The following MST1 variants were observed in gnomAD, a reference collection of about 807,000 sequenced individuals.
MST1 encodes the protein hepatocyte growth factor-like protein.
MST1 carries 76 observed loss-of-function variants against 100.1 expected under a neutral mutation model. The observed-to-expected ratio is 0.76, with a 90% CI of 0.63 to 0.92. MST1 has a LOEUF of 0.92. Ranked by LOEUF, MST1 falls within the 40% of genes least tolerant of loss-of-function variation. The probability of loss-of-function intolerance (pLI) is 0.00; values close to 1 mark genes in which losing one functional copy is unlikely to be tolerated. For synonymous variants in MST1, 352 were observed against 385.4 expected (o/e 0.91, Z 1.01); for missense variants, 850 against 990.0 (o/e 0.86, Z 1.90).
intron 11 of MST1, 42 bp downstream of exon 11, chr3:49,685,554 G>A: frequency 5.0e-6 from 8 of 1,613,338 alleles, no homozygotes; most frequent in Non-Finnish European, 6.8e-6. Flanking sequence ...CTTTGGGTGG[G>A]GGCTGAGGCA....
intron 1 of MST1, 92 bp downstream of exon 1, chr3:49,688,506 C>G: frequency 7.3e-7 from 1 of 1,362,128 alleles, no homozygotes; most frequent in Non-Finnish European, 1.0e-6. Context: ...CACTGAGCCT[C>G]TGGCTCCCCG....
rs2053796849 is a variant in MST1, at chr3:49,686,796, G to A, written c.735C>T (p.Leu245=). Residue 245 remains leucine, a synonymous_variant, in exon 7 of 18, where the codon CTC becomes CTT. Coordinates refer to ENST00000449682, the MANE Select transcript of MST1 (RefSeq NM_020998.4). ...AATAGTTGTCGTCCAGACCTTGGTC[G>A]AGGAACCTGGGGGCGGTAATGGGGC... ...HQHPFEPGKF[L]DQGLDDNYCR... 1.2e-6 allele frequency: 2 copies of A among 1,612,354 alleles called. No individual in the cohort carries two copies. Among genetic ancestry groups the A allele is most frequent in the Non-Finnish European group, 1.7e-6 (2 of 1,179,770 alleles).
In MST1 at chr3:49,685,282, C is replaced by G; in HGVS notation, c.1524G>C (p.Trp508Cys). The G allele has an allele frequency of 6.2e-7, 1 of 1,613,394 alleles. No individual in the cohort carries two copies. Residue 508 changes from tryptophan (W) to cysteine (C), a missense_variant, in exon 13 of 18, where the codon TGG becomes TGC. Transcript: ENST00000449682. ...VVGGHPGNSP[W>C]TVSLRNRQGQ... is the part of the protein sequence containing the mutation. ...CTCACCGATTCCGCAAGCTGACTGTCCAGGGTGAGTTGCCCGGATGGCCCC... is the reference window on the plus strand; with the variant it reads ...CTCACCGATTCCGCAAGCTGACTGTGCAGGGTGAGTTGCCCGGATGGCCCC...
At position 49,686,557 on chromosome 3, in the gene MST1, C is replaced by T; in HGVS notation, c.848-76G>A. 7.6e-6 allele frequency: 12 copies of T among 1,580,982 alleles called. No individual in the cohort carries two copies. In the South Asian group the frequency reaches 1.0e-4, roughly 14 times the overall value. ...TGGGGCTGGGACCAAACCCGCCTTTCCCAGGTGTACGGTACTCCACGGGGT... is the reference window on the plus strand; with the variant it reads ...TGGGGCTGGGACCAAACCCGCCTTTTCCAGGTGTACGGTACTCCACGGGGT... On this transcript the variant is annotated intron_variant, in intron 7 of 17. Transcript: ENST00000449682.
chr3:49,689,211 A>G lies in MST1; in HGVS notation c.-520T>C, dbSNP rs2054044409. 6.5e-6 allele frequency: 1 copy of G among 153,262 alleles called. No homozygotes were observed. The highest frequency in any genetic ancestry group is 1.5e-5 in the Non-Finnish European group (1 of 68,768). 9.5% of individuals were successfully genotyped at this position (153,262 alleles called of 1,614,324 possible). ...GTGAGCGAGGCTGTCCACTAGGACT[A>G]AATAGGGGTGGAGGTAACAGGTAGC... is the stretch of plus-strand genomic sequence containing the variant. On this transcript the variant is annotated 5_prime_UTR_variant, in exon 1 of 18. Transcript: ENST00000449682.
Position 49,685,751 on chromosome 3 carries a change from A to G in MST1, c.1251-19T>C, listed in dbSNP as rs397843268. The G allele has an allele frequency of 6.2e-7, 1 of 1,613,052 alleles. No homozygotes were observed. Among genetic ancestry groups the G allele is most frequent in the Non-Finnish European group, 8.5e-7 (1 of 1,179,800 alleles). ...CGTGAACCTAGGCGGAAGCGGGAGC[A>G]AAATCGTGGCAGGGTAGTCTCAACC... On this transcript the variant is annotated intron_variant, in intron 10 of 17. Coordinates refer to ENST00000449682, the MANE Select transcript of MST1 (RefSeq NM_020998.4).
In MST1 at chr3:49,687,041, C is replaced by T; in HGVS notation, c.634G>A (p.Glu212Lys). The T allele has an allele frequency of 1.2e-6, 2 of 1,611,952 alleles. No individual in the cohort carries two copies. The highest frequency in any genetic ancestry group is 2.2e-5 in the East Asian group (1 of 44,884). Residue 212 changes from glutamate to lysine, a missense_variant, in exon 6 of 18, where the codon GAA becomes AAA. Glu to Lys is a moderately conservative substitution (Grantham distance 56). Transcript: ENST00000449682. ...EAACVWCNGE[E>K]YRGAVDRTES... Reference sequence around the variant, plus strand: ...GTGCGGTCTACCGCGCCGCGGTATTCCTCGCCATTGCACCAGACACACGCG... The same window carrying T: ...GTGCGGTCTACCGCGCCGCGGTATTTCTCGCCATTGCACCAGACACACGCG...
Position 49,687,015 on chromosome 3 carries a change from C to A in MST1, c.660G>T (p.Thr220=). 1 of 1,611,504 alleles carries A rather than the reference C, an allele frequency of 6.2e-7. No individual in the cohort carries two copies. The highest frequency in any genetic ancestry group is 8.5e-7 in the Non-Finnish European group (1 of 1,179,832). Residue 220 remains threonine (T), a synonymous_variant, in exon 6 of 18, where the codon ACG becomes ACT. Coordinates refer to ENST00000449682, the MANE Select transcript of MST1 (RefSeq NM_020998.4). Reference sequence around the variant, plus strand: ...AGCGCTGGCACTCGCGCCCTGACTCCGTGCGGTCTACCGCGCCGCGGTATT... The same window carrying A: ...AGCGCTGGCACTCGCGCCCTGACTCAGTGCGGTCTACCGCGCCGCGGTATT... ...GEEYRGAVDR[T]ESGRECQRWD...
At chr3:49,684,517 G>A (rs756561133) in intron 16 of MST1, 33 bp downstream of exon 16, 1 of 1,613,604 alleles carries the variant, frequency 6.2e-7, no homozygotes, top group Non-Finnish European at 8.5e-7. Flanking sequence ...TGGGCCTCCT[G>A]GCCACCAGCA....
intron 10 of MST1, 25 bp from the exon 11 acceptor site, chr3:49,685,757 G>T (rs1268449380): frequency 6.2e-7 from 1 of 1,613,024 alleles, no homozygotes; most frequent in Admixed American, 1.7e-5. Flanking sequence ...GAGCAAAATC[G>T]TGGCAGGGTA....
chr3:49,687,708 C>T, intron 2 of MST1, 40 bp from the exon 3 acceptor site: 7 of 1,613,478 alleles, frequency 4.3e-6, no homozygotes, highest in Non-Finnish European at 5.1e-6. Flanking sequence ...ACAGCCCAGG[C>T]TTCCCTGCCC....
Position 49,685,678 on chromosome 3 carries a change from G to A in MST1, c.1305C>T (p.Asn435=). The A allele has an allele frequency of 1.2e-6, 2 of 1,613,454 alleles. No homozygotes were observed. Among genetic ancestry groups the A allele is most frequent in the African/African-American group, 1.3e-5 (1 of 75,054 alleles). ...HAQLEENFCR[N]PDGDSHGPWC... is the part of the protein sequence containing the mutation. ...AGGGCCCATGGCTATCCCCATCTGG[G>A]TTCCGGCAGAAGTTCTCCTCCAGTT... Residue 435 remains asparagine, a synonymous_variant, in exon 11 of 18, where the codon AAC becomes AAT. Transcript: ENST00000449682.
Position 49,686,960 on chromosome 3 carries a change from A to C in MST1, c.715T>G (p.Phe239Val), listed in dbSNP as rs572621890. Reference protein sequence around the residue: ...WDLQHPHQHPFEPGKFLDQGL... With the variant: ...WDLQHPHQHPVEPGKFLDQGL... The stretch of plus-strand genomic sequence containing the variant: ...GCCTACGCGTACTTGCCCGGCTCGA[A>C]GGGGTGCTGGTGCGGGTGCTGAAGA... The change falls in exon 6 of 18, where the codon TTC (phenylalanine) becomes GTC (valine). Residue 239 changes from phenylalanine (F) to valine (V), a missense_variant. Physicochemically the swap from Phe to Val is conservative, Grantham distance 50. This residue lies in a region of MST1 where 816 missense variants were observed against 924.6 expected (regional missense o/e 0.88). Transcript: ENST00000449682. 6.8e-6 allele frequency: 11 copies of C among 1,611,300 alleles called. No individual in the cohort carries two copies. The highest frequency in any genetic ancestry group is 8.5e-6 in the Non-Finnish European group (10 of 1,179,720).
In MST1 at chr3:49,686,045, C is replaced by T. The variant is rs1264887438; in HGVS notation, c.1147+17G>A. On this transcript the variant is annotated intron_variant, in intron 9 of 17. Coordinates refer to ENST00000449682, the MANE Select transcript of MST1 (RefSeq NM_020998.4). ...GGCTTCCAGCCCGGCTCTGTAGCCC[C>T]CAAGCTTGGGCCTCACCCTGGGGCC... 3 of 1,608,094 alleles carry T rather than the reference C, an allele frequency of 1.9e-6. No homozygotes were observed. The highest frequency in any genetic ancestry group is 2.2e-5 in the East Asian group (1 of 44,740).
In MST1 at chr3:49,687,450, A is replaced by G; in HGVS notation, c.384T>C (p.Asn128=). Residue 128 remains asparagine, a synonymous_variant, in exon 4 of 18, where the codon AAT becomes AAC. Transcript: ENST00000449682. The part of the protein sequence containing the change: ...KDYVRTCIMN[N]GVGYRGTMAT... ...CCATGGTGCCCCGGTACCCAACCCC[A>G]TTGTTCATGATGCAGGTCCGTACGT... is the stretch of plus-strand genomic sequence containing the variant. The G allele has an allele frequency of 8.1e-6, 13 of 1,613,372 alleles. No individual in the cohort carries two copies. The highest frequency in any genetic ancestry group is 1.1e-5 in the Non-Finnish European group (13 of 1,179,866).
rs775044117 is a variant in MST1 at position 49,686,096 on chromosome 3, C to T, written c.1113G>A (p.Gln371=). 2.5e-6 allele frequency: 4 copies of T among 1,610,972 alleles called. No individual in the cohort carries two copies. Among genetic ancestry groups the T allele is most frequent in the African/African-American group, 1.3e-5 (1 of 74,972 alleles). ...RPGMRAAFCY[Q]IRRCTDDVRP... Reference sequence around the variant, plus strand: ...GCACGTCGTCTGTACAACGCCGGATCTGGTAGCAAAAGGCCGCGCGCATGC... The same window carrying T: ...GCACGTCGTCTGTACAACGCCGGATTTGGTAGCAAAAGGCCGCGCGCATGC... Residue 371 remains glutamine (Q), a synonymous_variant, in exon 9 of 18, where the codon CAG becomes CAA. Coordinates refer to ENST00000449682, the MANE Select transcript of MST1 (RefSeq NM_020998.4).
intron 1 of MST1, 126 bp from the exon 2 acceptor site, chr3:49,688,023 G>A (rs1460066600): frequency 1.9e-5 from 26 of 1,363,166 alleles, no homozygotes; most frequent in Non-Finnish European, 2.5e-5. Context: ...GACCCTGTAT[G>A]CACTTTCAAG....
At position 49,684,797 on chromosome 3, in the gene MST1, T is replaced by G. The variant is rs1252635715; in HGVS notation, c.1710A>C (p.Pro570=). 4 of 1,613,520 alleles carry G rather than the reference T, an allele frequency of 2.5e-6. No individual in the cohort carries two copies. The South Asian group carries it at 4.4e-5, about 18-fold the overall frequency. Residue 570 remains proline (P), a synonymous_variant, in exon 15 of 18, where the codon CCA becomes CCC. Coordinates refer to ENST00000449682, the MANE Select transcript of MST1 (RefSeq NM_020998.4). The part of the protein sequence containing the change: ...QHGEPSLQRV[P]VAKMVCGPSG... ...AGGGCCCACACACCATCTTGGCTAC[T>G]GGGACCCGCTGTAGGCTTGGCTCTC... is the stretch of plus-strand genomic sequence containing the variant.
At chr3:49,686,880 C>A in intron 6 of MST1, 67 bp downstream of exon 6, 1 of 1,611,908 alleles carries the variant, frequency 6.2e-7, no homozygotes, top group Non-Finnish European at 8.5e-7. Context: ...CTACACGGAG[C>A]CCTGCCCCTG....
Sources: gnomAD v4.1 joint callset for allele counts on GRCh38, gnomAD v4.1.1 for gene constraint, gnomAD v4.1.1 regional missense constraint, MANE v1.5 for transcripts, NCBI Gene and HGNC (gene_info 2026-07-23, HGNC 2026-07-21) for gene names.